FBXO17: variants seen among roughly 807,000 people sequenced by gnomAD.
FBXO17 encodes F-box protein 17.
In FBXO17, 43 loss-of-function variants were observed where a neutral mutation model predicts 34.1. That is an observed-to-expected ratio of 1.26 (90% CI 0.99 to 1.62). FBXO17 has a LOEUF of 1.62. Among genes scored for constraint, FBXO17 ranks in the 40% most tolerant of loss-of-function variants. The pLI, the probability that FBXO17 is intolerant of heterozygous loss-of-function variation, is 0.00. For synonymous variants in FBXO17, 169 were observed against 166.0 expected (o/e 1.02, Z -0.14); for missense variants, 424 against 386.7 (o/e 1.10, Z -0.81).
At chr19:38,965,620 C>T (rs1975309889) in intron 1 of FBXO17, among the ~76,000 whole-genome samples, 1 of 152,282 alleles carries the variant, frequency 6.6e-6, no homozygotes, top group African/African-American at 2.4e-5. Context: ...GGTTCTCCAG[C>T]CTCAGCCTCC....
Position 38,941,874 on chromosome 19 carries a change from T to C in FBXO17, c.*734A>G, listed in dbSNP as rs79436048. The C allele has an allele frequency of 0.17, 26,067 of 152,140 alleles. 2,579 individuals are homozygous for C. Among genetic ancestry groups the C allele is most frequent in the East Asian group, 0.47 (2,399 of 5,148 alleles). The allele number at this position is 152,140 out of a possible 1,614,324, so 9.4% of individuals were successfully genotyped here. A position where few individuals can be genotyped will look rare whatever the true frequency, so the allele number is the denominator to read the frequency against. On this transcript the variant is annotated 3_prime_UTR_variant, in exon 6 of 6. Coordinates refer to ENST00000292852, the MANE Select transcript of FBXO17 (RefSeq NM_024907.7). ...CAAACAGCAGATGACTTTGTTAGTCTCAAGGACAGACTGCCTCAGCGGACC... is the reference window on the plus strand; with the variant it reads ...CAAACAGCAGATGACTTTGTTAGTCCCAAGGACAGACTGCCTCAGCGGACC...
intron 1 of FBXO17, among the ~76,000 whole-genome samples, chr19:38,951,211 A>G (rs1183534567): frequency 6.6e-6 from 1 of 150,938 alleles, no homozygotes; most frequent in Non-Finnish European, 1.5e-5. Context: ...TTTTATTATT[A>G]TTACTTTTTT....
At chr19:38,959,025 C>G (rs1023888729) in intron 1 of FBXO17, among the ~76,000 whole-genome samples, 3 of 152,136 alleles carry the variant, frequency 2.0e-5, no homozygotes, top group African/African-American at 7.2e-5. Flanking sequence ...AACTCAGCCT[C>G]CTGAGTAGAT....
chr19:38,942,788 C>G (rs186006129), intron 5 of FBXO17, 37 bp from the exon 6 acceptor site: 1 of 1,575,140 alleles, frequency 6.3e-7, no homozygotes, highest in African/African-American at 1.4e-5. Flanking sequence ...TGAGGGCCTG[C>G]GGGCCCCTTC....
At chr19:38,958,498 A>G (rs1248317426) in intron 1 of FBXO17, among the ~76,000 whole-genome samples, 1 of 151,798 alleles carries the variant, frequency 6.6e-6, no homozygotes, top group Non-Finnish European at 1.5e-5. Context: ...AATAAGCCTG[A>G]GAGGGGCTTC....
chr19:38,974,902 T>C (rs904129475), intron 1 of FBXO17, among the ~76,000 whole-genome samples: 1 of 152,164 alleles, frequency 6.6e-6, no homozygotes, highest in African/African-American at 2.4e-5. Context: ...CTGAGTGTCG[T>C]GTATTACTGG....
chr19:38,955,252 A>G (rs1975151266), intron 1 of FBXO17, among the ~76,000 whole-genome samples: 1 of 151,454 alleles, frequency 6.6e-6, no homozygotes, highest in African/African-American at 2.4e-5. Context: ...TTTTTGAGAC[A>G]GGGTCTTGCT....
chr19:38,949,735 C>G (rs985491842), intron 2 of FBXO17: 2 of 586,090 alleles, frequency 3.4e-6, no homozygotes, highest in Non-Finnish European at 5.9e-6. Flanking sequence ...CTTTCTCCCC[C>G]GGCCCAGCCA....
chr19:38,946,594 G>A, intron 3 of FBXO17, 27 bp from the exon 4 acceptor site: 2 of 1,607,716 alleles, frequency 1.2e-6, no homozygotes, highest in Middle Eastern at 1.7e-4. Flanking sequence ...GCAGGGGGCA[G>A]GGCAAACAGT....
intron 1 of FBXO17, among the ~76,000 whole-genome samples, chr19:38,965,263 C>T (rs1354176487): frequency 6.6e-6 from 1 of 152,100 alleles, no homozygotes; most frequent in Non-Finnish European, 1.5e-5. Context: ...GGCATGCAAC[C>T]TGTGCGTTCA....
intron 1 of FBXO17, among the ~76,000 whole-genome samples, chr19:38,970,261 G>A (rs1362841116): frequency 1.3e-5 from 2 of 151,708 alleles, no homozygotes; most frequent in Non-Finnish European, 2.9e-5. Context: ...AGGCTGGAGT[G>A]CATGGCCACG....
intron 5 of FBXO17, among the ~76,000 whole-genome samples, chr19:38,944,551 T>G (rs1192388596): frequency 6.6e-6 from 1 of 152,146 alleles, no homozygotes; most frequent in Non-Finnish European, 1.5e-5. Context: ...GCCGAAACAT[T>G]TACTTTGGTA....
At chr19:38,957,471 G>C (rs936858154) in intron 1 of FBXO17, among the ~76,000 whole-genome samples, 5 of 151,986 alleles carry the variant, frequency 3.3e-5, no homozygotes, top group African/African-American at 1.2e-4. Context: ...TCAGCCTCCC[G>C]GGTAGCTGGG....
rs139437196 is a variant in FBXO17 at position 38,969,721 on chromosome 19, C to T, written c.-18+5865G>A. On this transcript the variant is annotated intron_variant, in intron 1 of 5. Coordinates refer to ENST00000292852, the MANE Select transcript of FBXO17 (RefSeq NM_024907.7). The stretch of plus-strand genomic sequence containing the variant: ...AAGTGATTCTTGTGCCTCAGACTCC[C>T]AGGTAGCTGGGATTACAGCTACTCT... Among the ~76,000 whole-genome samples, 815 of 151,498 alleles carry T rather than the reference C, an allele frequency of 5.4e-3. 8 individuals carry two copies. The highest frequency in any genetic ancestry group is 0.018 in the African/African-American group (736 of 41,318).
At chr19:38,967,807 C>CCT (rs1248708492) in intron 1 of FBXO17, among the ~76,000 whole-genome samples, 1 of 152,102 alleles carries the variant, frequency 6.6e-6, no homozygotes, top group Non-Finnish European at 1.5e-5. Context: ...ATCAAGGGAT[C>CCT]CTCCTTCCTT....
At chr19:38,962,862 C>T (rs1975271775) in intron 1 of FBXO17, among the ~76,000 whole-genome samples, 1 of 151,890 alleles carries the variant, frequency 6.6e-6, no homozygotes, top group Non-Finnish European at 1.5e-5. Context: ...GGACTACAGG[C>T]ACACGCCACC....
chr19:38,960,552 A>G (rs970476354), intron 1 of FBXO17, among the ~76,000 whole-genome samples: 1 of 152,128 alleles, frequency 6.6e-6, no homozygotes, highest in African/African-American at 2.4e-5. Context: ...TCTGTCCCCC[A>G]GGCTAGAGTG....
chr19:38,949,922 C>A, intron 2 of FBXO17, 49 bp downstream of exon 2: 1 of 1,449,956 alleles, frequency 6.9e-7, no homozygotes, highest in African/African-American at 1.5e-5. Context: ...GCCCCCGCCT[C>A]GCTCGCGCGG....
At chr19:38,946,314 TC>T in intron 4 of FBXO17, 157 bp downstream of exon 4, 1 of 1,268,300 alleles carries the variant, frequency 7.9e-7, no homozygotes, top group Non-Finnish European at 1.1e-6. Context: ...AGCTCTACCT[TC>T]CCCGGCTCTG....
Sources: gnomAD v4.1 joint callset for allele counts (sites outside exome capture counted in the v4.1 genomes callset) on GRCh38, gnomAD v4.1.1 for gene constraint, MANE v1.5 for transcripts, NCBI Gene and HGNC (gene_info 2026-07-23, HGNC 2026-07-21) for gene names.